H2AC17: variants seen among roughly 807,000 people sequenced by gnomAD.
H2AC17 encodes the protein H2A clustered histone 17, also known as histone H2A type 1.
In H2AC17, 10 loss-of-function variants were observed where a neutral mutation model predicts 6.3. The ratio of observed to expected loss-of-function variants is 1.58; its 90% CI spans 0.97 to 2.68. H2AC17 has a LOEUF of 2.68. Among genes scored for constraint, H2AC17 ranks in the 30% most tolerant of loss-of-function variants. H2AC17 has a pLI of 0.00. For missense variants in H2AC17, 207 were observed against 176.0 expected (o/e 1.18, Z -1.00); for synonymous variants, 138 against 78.3 (o/e 1.76, Z -4.02).
Position 27,893,079 on chromosome 6 carries a change from A to C in H2AC17, c.71T>G (p.Leu24Arg). ...KAKTRSSRAG[L>R]QFPVGRVHRL... ...GTGCACTCGTCCTACAGGAAATTGG[A>C]GCCCAGCTCTAGAGGAGCGGGTTTT... Residue 24 changes from leucine to arginine, a missense_variant, in exon 1 of 1, where the codon CTC becomes CGC. Coordinates refer to ENST00000359611, the MANE Select transcript of H2AC17 (RefSeq NM_003514.2). 3 of 1,613,766 alleles carry C rather than the reference A, an allele frequency of 1.9e-6. No homozygotes were observed.
At position 27,892,910 on chromosome 6, in the gene H2AC17, G is replaced by T; in HGVS notation, c.240C>A (p.Ile80=). 6.2e-7 allele frequency: 1 copy of T among 1,614,180 alleles called. No individual in the cohort carries two copies. The highest frequency in any genetic ancestry group is 8.5e-7 in the Non-Finnish European group (1 of 1,180,002). ...AARDNKKTRI[I]PRHLQLAIRN... Reference sequence around the variant, plus strand: ...GGATGGCCAGCTGCAAGTGGCGCGGGATGATGCGGGTCTTTTTGTTGTCGC... The same window carrying T: ...GGATGGCCAGCTGCAAGTGGCGCGGTATGATGCGGGTCTTTTTGTTGTCGC... Residue 80 remains isoleucine, a synonymous_variant, in exon 1 of 1, where the codon ATC becomes ATA. Transcript: ENST00000359611.
Position 27,892,846 on chromosome 6 carries a change from T to A in H2AC17, c.304A>T (p.Thr102Ser). The change falls in exon 1 of 1, where the codon ACC becomes TCC. Residue 102 changes from threonine to serine, a missense_variant. By Grantham distance (58) the Thr-to-Ser change is moderately conservative. Around this residue, in one of 3 missense-constraint regions of H2AC17, gnomAD observed 53 missense variants for 47.3 expected, o/e 1.12. Coordinates refer to ENST00000359611, the MANE Select transcript of H2AC17 (RefSeq NM_003514.2). ...EELNKLLGKV[T>S]IAQGGVLPNI... ...GGCAGAACACCGCCCTGAGCGATGG[T>A]AACTTTACCAAGCAGCTTGTTGAGC... The A allele has an allele frequency of 6.2e-7, 1 of 1,614,218 alleles. No individual in the cohort carries two copies. Among genetic ancestry groups the A allele is most frequent in the Non-Finnish European group, 8.5e-7 (1 of 1,180,034 alleles).
Position 27,892,949 on chromosome 6 carries a change from C to T in H2AC17, c.201G>A (p.Ala67=). The change falls in exon 1 of 1, where the codon GCG becomes GCA. Residue 67 remains alanine (A), a synonymous_variant. Coordinates refer to ENST00000359611, the MANE Select transcript of H2AC17 (RefSeq NM_003514.2). ...TTTTGTTGTCGCGGGCTGCGTTGCC[C>T]GCCAGCTCCAGGATCTCGGCAGTTA... ...EYLTAEILEL[A]GNAARDNKKT... is the part of the protein sequence containing the mutation. 1.2e-6 allele frequency: 2 copies of T among 1,614,190 alleles called. No individual in the cohort carries two copies. Among genetic ancestry groups the T allele is most frequent in the East Asian group, 2.2e-5 (1 of 44,866 alleles).
rs759762672 is a variant in H2AC17 at position 27,893,162 on chromosome 6, T to C, written c.-13A>G. 9 of 1,567,110 alleles carry C rather than the reference T, an allele frequency of 5.7e-6. No homozygotes were observed. The highest frequency in any genetic ancestry group is 1.4e-5 in the African/African-American group (1 of 73,114). On this transcript the variant is annotated 5_prime_UTR_variant, in exon 1 of 1. Transcript: ENST00000359611. ...CACGTCCAGACATGGTAAAACGACCTGTGGCCTAAGTCAGAAAGTGAGTGA... is the reference window on the plus strand; with the variant it reads ...CACGTCCAGACATGGTAAAACGACCCGTGGCCTAAGTCAGAAAGTGAGTGA...
rs201063251 is a variant in H2AC17 at position 27,892,781 on chromosome 6, G to T, written c.369C>A (p.Ser123Arg). The change falls in exon 1 of 1, where the codon AGC becomes AGA. Residue 123 changes from serine to arginine, a missense_variant. By Grantham distance (110) the Ser-to-Arg change is moderately radical. Around this residue, in one of 3 missense-constraint regions of H2AC17, gnomAD observed 53 missense variants for 47.3 expected, o/e 1.12. Coordinates refer to ENST00000359611, the MANE Select transcript of H2AC17 (RefSeq NM_003514.2). ...CTTACTTGCCCTTAGCTTTGTGGTG[G>T]CTCTCAGTCTTCTTGGGGAGCAGTA... ...QAVLLPKKTESHHKAKGK is the reference protein window; with the variant it reads ...QAVLLPKKTERHHKAKGK 6.2e-7 allele frequency: 1 copy of T among 1,614,106 alleles called. No homozygotes were observed. Among genetic ancestry groups the T allele is most frequent in the Non-Finnish European group, 8.5e-7 (1 of 1,180,034 alleles).
rs759674453 is a variant in H2AC17, at chr6:27,893,113, C to T, written c.37G>A (p.Ala13Thr). ...GRGKQGGKARAKAKTRSSRAG... is the reference protein window; with the variant it reads ...GRGKQGGKARTKAKTRSSRAG... ...CTAGAGGAGCGGGTTTTGGCCTTGG[C>T]GCGAGCCTTGCCGCCCTGCTTGCCA... The change falls in exon 1 of 1, where the codon GCC becomes ACC. Residue 13 changes from alanine to threonine, a missense_variant. Physicochemically the swap from Ala to Thr is moderately conservative, Grantham distance 58. Coordinates refer to ENST00000359611, the MANE Select transcript of H2AC17 (RefSeq NM_003514.2). 7 of 1,607,738 alleles carry T rather than the reference C, an allele frequency of 4.4e-6. No homozygotes were observed. In the Admixed American group the frequency reaches 1.0e-4, roughly 23 times the overall value.
Position 27,892,803 on chromosome 6 carries a change from A to G in H2AC17, c.347T>C (p.Leu116Pro), listed in dbSNP as rs1471265731. 1 of 1,614,228 alleles carries G rather than the reference A, an allele frequency of 6.2e-7. No individual in the cohort carries two copies. The highest frequency in any genetic ancestry group is 8.5e-7 in the Non-Finnish European group (1 of 1,180,040). Residue 116 changes from leucine (L) to proline (P), a missense_variant, in exon 1 of 1, where the codon CTG becomes CCG. Physicochemically the swap from Leu to Pro is moderately conservative, Grantham distance 98. This residue lies in a region of H2AC17 where 53 missense variants were observed against 47.3 expected (regional missense o/e 1.12). Coordinates refer to ENST00000359611, the MANE Select transcript of H2AC17 (RefSeq NM_003514.2). ...GTGGCTCTCAGTCTTCTTGGGGAGC[A>G]GTACGGCCTGGATGTTAGGCAGAAC... ...GGVLPNIQAV[L>P]LPKKTESHHK... is the part of the protein sequence containing the mutation.
At position 27,892,877 on chromosome 6, in the gene H2AC17, G is replaced by A; in HGVS notation, c.273C>T (p.Asp91=). 2 of 1,614,226 alleles carry A rather than the reference G, an allele frequency of 1.2e-6. No individual in the cohort carries two copies. Among genetic ancestry groups the A allele is most frequent in the Non-Finnish European group, 1.7e-6 (2 of 1,180,038 alleles). Residue 91 remains aspartate (D), a synonymous_variant, in exon 1 of 1, where the codon GAC becomes GAT. Coordinates refer to ENST00000359611, the MANE Select transcript of H2AC17 (RefSeq NM_003514.2). The part of the protein sequence containing the change: ...PRHLQLAIRN[D]EELNKLLGKV... ...TACCAAGCAGCTTGTTGAGCTCCTC[G>A]TCGTTGCGGATGGCCAGCTGCAAGT...
rs779278577 is a variant in H2AC17, at chr6:27,892,978, A to C, written c.172T>G (p.Tyr58Asp). ...APVYLAAVLEYLTAEILELAG... is the reference protein window; with the variant it reads ...APVYLAAVLEDLTAEILELAG... ...AGCTCCAGGATCTCGGCAGTTAGGT[A>C]CTCCAGCACCGCCGCCAGGTAAACC... The change falls in exon 1 of 1, where the codon TAC becomes GAC. Residue 58 changes from tyrosine (Y) to aspartate (D), a missense_variant. This residue lies in a region of H2AC17 where 148 missense variants were observed against 106.0 expected (regional missense o/e 1.40). Coordinates refer to ENST00000359611, the MANE Select transcript of H2AC17 (RefSeq NM_003514.2). 1 of 1,613,798 alleles carries C rather than the reference A, an allele frequency of 6.2e-7. No individual in the cohort carries two copies. Among genetic ancestry groups the C allele is most frequent in the East Asian group, 2.2e-5 (1 of 44,844 alleles).
chr6:27,893,140 G>T lies in H2AC17; in HGVS notation c.10C>A (p.Arg4Ser). 1 of 1,590,564 alleles carries T rather than the reference G, an allele frequency of 6.3e-7. No homozygotes were observed. The highest frequency in any genetic ancestry group is 8.6e-7 in the Non-Finnish European group (1 of 1,169,020). The change falls in exon 1 of 1, where the codon CGT becomes AGT. Residue 4 changes from arginine to serine, a missense_variant. By Grantham distance (110) the Arg-to-Ser change is moderately radical (BLOSUM62 -1). Coordinates refer to ENST00000359611, the MANE Select transcript of H2AC17 (RefSeq NM_003514.2). ...CGAGCCTTGCCGCCCTGCTTGCCAC[G>T]TCCAGACATGGTAAAACGACCTGTG... MSG[R>S]GKQGGKARAK...
In H2AC17 at chr6:27,892,976, G is replaced by A. The variant is rs749807992; in HGVS notation, c.174C>T (p.Tyr58=). 3.1e-6 allele frequency: 5 copies of A among 1,614,156 alleles called. No homozygotes were observed. The highest frequency in any genetic ancestry group is 4.2e-6 in the Non-Finnish European group (5 of 1,180,032). The stretch of plus-strand genomic sequence containing the variant: ...CCAGCTCCAGGATCTCGGCAGTTAG[G>A]TACTCCAGCACCGCCGCCAGGTAAA... ...APVYLAAVLE[Y]LTAEILELAG... Residue 58 remains tyrosine, a synonymous_variant, in exon 1 of 1, where the codon TAC becomes TAT. Coordinates refer to ENST00000359611, the MANE Select transcript of H2AC17 (RefSeq NM_003514.2).
chr6:27,892,781 G>A lies in H2AC17; in HGVS notation c.369C>T (p.Ser123=), dbSNP rs201063251. ...CTTACTTGCCCTTAGCTTTGTGGTGGCTCTCAGTCTTCTTGGGGAGCAGTA... is the reference window on the plus strand; with the variant it reads ...CTTACTTGCCCTTAGCTTTGTGGTGACTCTCAGTCTTCTTGGGGAGCAGTA... ...QAVLLPKKTE[S]HHKAKGK is the part of the protein sequence containing the mutation. Residue 123 remains serine, a synonymous_variant, in exon 1 of 1, where the codon AGC becomes AGT. Transcript: ENST00000359611. 1.2e-6 allele frequency: 2 copies of A among 1,614,104 alleles called. No homozygotes were observed. Among genetic ancestry groups the A allele is most frequent in the Non-Finnish European group, 1.7e-6 (2 of 1,180,032 alleles).
At position 27,892,736 on chromosome 6, in the gene H2AC17, T is replaced by G. The variant is rs1475924179; in HGVS notation, c.*21A>C. 6.2e-7 allele frequency: 1 copy of G among 1,611,396 alleles called. No individual in the cohort carries two copies. Among genetic ancestry groups the G allele is most frequent in the Non-Finnish European group, 8.5e-7 (1 of 1,179,530 alleles). On this transcript the variant is annotated 3_prime_UTR_variant, in exon 1 of 1. Transcript: ENST00000359611. ...AAAAGAGCCTTTTGTCTTGTAAGTT[T>G]ACATTTTTAAAGTTCAGCCCTTACT...
At position 27,892,862 on chromosome 6, in the gene H2AC17, C is replaced by T. The variant is rs1205408125; in HGVS notation, c.288G>A (p.Lys96=). The T allele has an allele frequency of 6.2e-7, 1 of 1,614,206 alleles. No homozygotes were observed. The highest frequency in any genetic ancestry group is 8.5e-7 in the Non-Finnish European group (1 of 1,180,044). The change falls in exon 1 of 1, where the codon AAG becomes AAA. Residue 96 remains lysine (K), a synonymous_variant. Coordinates refer to ENST00000359611, the MANE Select transcript of H2AC17 (RefSeq NM_003514.2). The part of the protein sequence containing the change: ...LAIRNDEELN[K]LLGKVTIAQG... The stretch of plus-strand genomic sequence containing the variant: ...GAGCGATGGTAACTTTACCAAGCAG[C>T]TTGTTGAGCTCCTCGTCGTTGCGGA...
At position 27,893,012 on chromosome 6, in the gene H2AC17, G is replaced by C; in HGVS notation, c.138C>G (p.Ala46=). ...RKGNYAERVG[A]GAPVYLAAVL... ...CCGCCGCCAGGTAAACCGGCGCGCC[G>C]GCCCCGACCCGCTCAGCGTAGTTGC... is the stretch of plus-strand genomic sequence containing the variant. Residue 46 remains alanine (A), a synonymous_variant, in exon 1 of 1, where the codon GCC becomes GCG. Coordinates refer to ENST00000359611, the MANE Select transcript of H2AC17 (RefSeq NM_003514.2). 1 of 1,614,084 alleles carries C rather than the reference G, an allele frequency of 6.2e-7. No individual in the cohort carries two copies. The highest frequency in any genetic ancestry group is 8.5e-7 in the Non-Finnish European group (1 of 1,179,996).
rs759039815 is a variant in H2AC17 at position 27,892,990 on chromosome 6, C to A, written c.160G>T (p.Ala54Ser). 6.2e-7 allele frequency: 1 copy of A among 1,614,146 alleles called. No homozygotes were observed. The highest frequency in any genetic ancestry group is 1.1e-5 in the South Asian group (1 of 91,080). The change falls in exon 1 of 1, where the codon GCG becomes TCG. Residue 54 changes from alanine (A) to serine (S), a missense_variant. Around this residue, in one of 3 missense-constraint regions of H2AC17, gnomAD observed 148 missense variants for 106.0 expected, o/e 1.40. Coordinates refer to ENST00000359611, the MANE Select transcript of H2AC17 (RefSeq NM_003514.2). Reference sequence around the variant, plus strand: ...TCGGCAGTTAGGTACTCCAGCACCGCCGCCAGGTAAACCGGCGCGCCGGCC... The same window carrying A: ...TCGGCAGTTAGGTACTCCAGCACCGACGCCAGGTAAACCGGCGCGCCGGCC... The part of the protein sequence containing the change: ...VGAGAPVYLA[A>S]VLEYLTAEIL...
At position 27,892,824 on chromosome 6, in the gene H2AC17, A is replaced by T; in HGVS notation, c.326T>A (p.Leu109Gln). ...GKVTIAQGGV[L>Q]PNIQAVLLPK... ...GAGCAGTACGGCCTGGATGTTAGGC[A>T]GAACACCGCCCTGAGCGATGGTAAC... The change falls in exon 1 of 1, where the codon CTG becomes CAG. Residue 109 changes from leucine (L) to glutamine (Q), a missense_variant. Leu to Gln is a moderately radical substitution (Grantham distance 113, BLOSUM62 -2). Transcript: ENST00000359611. 6.2e-7 allele frequency: 1 copy of T among 1,614,260 alleles called. No homozygotes were observed. Among genetic ancestry groups the T allele is most frequent in the Non-Finnish European group, 8.5e-7 (1 of 1,180,044 alleles).
rs140056231 is a variant in H2AC17 at position 27,892,979 on chromosome 6, C to G, written c.171G>C (p.Glu57Asp). ...GCTCCAGGATCTCGGCAGTTAGGTA[C>G]TCCAGCACCGCCGCCAGGTAAACCG... ...GAPVYLAAVL[E>D]YLTAEILELA... The change falls in exon 1 of 1, where the codon GAG becomes GAC. Residue 57 changes from glutamate to aspartate, a missense_variant. Physicochemically the swap from Glu to Asp is conservative, Grantham distance 45. Around this residue, in one of 3 missense-constraint regions of H2AC17, gnomAD observed 148 missense variants for 106.0 expected, o/e 1.40. Transcript: ENST00000359611. The G allele has an allele frequency of 6.2e-7, 1 of 1,614,196 alleles. No individual in the cohort carries two copies. The highest frequency in any genetic ancestry group is 1.3e-5 in the African/African-American group (1 of 75,060).
chr6:27,892,824 A>G lies in H2AC17; in HGVS notation c.326T>C (p.Leu109Pro). 6.2e-7 allele frequency: 1 copy of G among 1,614,260 alleles called. No individual in the cohort carries two copies. The highest frequency in any genetic ancestry group is 8.5e-7 in the Non-Finnish European group (1 of 1,180,044). The change falls in exon 1 of 1, where the codon CTG becomes CCG. Residue 109 changes from leucine (L) to proline (P), a missense_variant. This residue lies in a region of H2AC17 where 53 missense variants were observed against 47.3 expected (regional missense o/e 1.12). Transcript: ENST00000359611. ...GAGCAGTACGGCCTGGATGTTAGGC[A>G]GAACACCGCCCTGAGCGATGGTAAC... The part of the protein sequence containing the change: ...GKVTIAQGGV[L>P]PNIQAVLLPK...
Sources: allele counts gnomAD v4.1 joint callset, GRCh38; gene constraint gnomAD v4.1.1; regional missense constraint gnomAD v4.1.1; transcripts MANE v1.5; gene names NCBI Gene and HGNC (gene_info 2026-07-23, HGNC 2026-07-21).